PIWIL1: variants seen among roughly 807,000 people sequenced by gnomAD.
PIWIL1 encodes piwi like RNA-mediated gene silencing 1, also known as piwi-like protein 1.
A neutral mutation model predicts 114.4 loss-of-function variants in PIWIL1; 73 were observed. That is an observed-to-expected ratio of 0.64 (90% CI 0.53 to 0.78). The LOEUF is 0.78. Ranked by LOEUF, PIWIL1 falls within the 30% of genes least tolerant of loss-of-function variation. The pLI is 0.00. For missense variants in PIWIL1, 723 were observed against 1,063.1 expected (o/e 0.68, Z 4.45); for synonymous variants, 375 against 369.0 (o/e 1.02, Z -0.19).
At chr12:130,423,952 A>G in the PIWIL1 span, among the ~76,000 whole-genome samples, 1 of 152,152 alleles carries the variant, frequency 6.6e-6, no homozygotes, top group Admixed American at 6.5e-5. Flanking sequence ...AAGCACAGTA[A>G]AGAAATCTTC....
intron 19 of PIWIL1, among the ~76,000 whole-genome samples, 170 bp from the exon 20 acceptor site, chr12:130,371,006 T>C (rs1182772690): frequency 6.6e-6 from 1 of 152,200 alleles, no homozygotes; most frequent in Non-Finnish European, 1.5e-5. Flanking sequence ...TCCCAAATGG[T>C]TCATGAATAA....
At chr12:130,390,061 A>G in the PIWIL1 span, among the ~76,000 whole-genome samples, 1 of 152,234 alleles carries the variant, frequency 6.6e-6, no homozygotes, top group Non-Finnish European at 1.5e-5. Flanking sequence ...AAGTTTTTAA[A>G]AAATAGTAAC....
In PIWIL1 at chr12:130,342,180, G is replaced by GTGTGTC. The variant is rs1555226465; in HGVS notation, c.-12-395_-12-394insCTGTGT. 5.1e-4 allele frequency: 94 copies of GTGTGTC among 182,812 alleles called. 1 individual carries two copies. The highest frequency in any genetic ancestry group is 1.2e-3 in the African/African-American group (49 of 41,996). 11.3% of individuals were successfully genotyped at this position (182,812 alleles called of 1,614,324 possible). ...CGTGTGTGTGTGTGTGTGTGTGTGTGTGTGTGTGTGTCTGTGTATGGGAGT... is the reference window on the plus strand; with the variant it reads ...CGTGTGTGTGTGTGTGTGTGTGTGTGTGTGTCTGTGTGTGTGTCTGTGTATGGGAGT... On this transcript the variant is annotated intron_variant, in intron 1 of 20. Coordinates refer to ENST00000245255, the MANE Select transcript of PIWIL1 (RefSeq NM_004764.5).
intron 1 of PIWIL1, among the ~76,000 whole-genome samples, chr12:130,338,971 G>A (rs1483068208): frequency 1.3e-5 from 2 of 151,896 alleles, no homozygotes; most frequent in African/African-American, 4.8e-5. Context: ...ATTGGCGGCC[G>A]TGCGTGAGAC....
intron 14 of PIWIL1, among the ~76,000 whole-genome samples, chr12:130,358,590 C>A (rs1001070124): frequency 6.6e-6 from 1 of 152,118 alleles, no homozygotes; most frequent in Non-Finnish European, 1.5e-5. Flanking sequence ...TTGCTGCTGC[C>A]GCCACCAGTC....
At chr12:130,392,733 CGT>C in the PIWIL1 span, among the ~76,000 whole-genome samples, 38 of 13,170 alleles carry the variant, frequency 2.9e-3, no homozygotes, top group African/African-American at 3.9e-3. Flanking sequence ...ACCGTCATCA[CGT>C]GTGTCCGTCA....
In PIWIL1 at chr12:130,372,337, A is replaced by C. The variant is rs1243159562; in HGVS notation, c.*739A>C. On this transcript the variant is annotated 3_prime_UTR_variant, in exon 21 of 21. Transcript: ENST00000245255. ...ATGTGATTGTCACCTTATTTGAATA[A>C]CTGTAATTCTTGTTTTACTGAAAGT... 1 of 152,166 alleles carries C rather than the reference A, an allele frequency of 6.6e-6. No individual in the cohort carries two copies. The highest frequency in any genetic ancestry group is 1.5e-5 in the Non-Finnish European group (1 of 68,026). The allele number at this position is 152,166 out of a possible 1,614,324, so 9.4% of individuals were successfully genotyped here. A position where few individuals can be genotyped will look rare whatever the true frequency, so the allele number is the denominator to read the frequency against.
chr12:130,391,315 G>T, the PIWIL1 span, among the ~76,000 whole-genome samples: 1 of 152,206 alleles, frequency 6.6e-6, no homozygotes, highest in African/African-American at 2.4e-5. Context: ...TCTCGCTGGG[G>T]CCGTGCTCTC....
chr12:130,412,513 T>G, the PIWIL1 span: 2 of 1,063,824 alleles, frequency 1.9e-6, no homozygotes, highest in Non-Finnish European at 2.8e-6. Context: ...TTGGCATATT[T>G]AAATGATGCA....
chr12:130,378,932 G>C, the PIWIL1 span, among the ~76,000 whole-genome samples: 1 of 152,212 alleles, frequency 6.6e-6, no homozygotes, highest in Admixed American at 6.5e-5. Flanking sequence ...CATTCGAAGA[G>C]AAGATGTTTG....
In PIWIL1 at chr12:130,371,129, C is replaced by T. The variant is rs776745705; in HGVS notation, c.2322-47C>T. ...TTTTCACTGTAAGAAACTGGAATCA[C>T]CCTAATTTTAGTTTTCAGCACATCC... On this transcript the variant is annotated intron_variant, in intron 19 of 20. Transcript: ENST00000245255. 44 of 1,311,808 alleles carry T rather than the reference C, an allele frequency of 3.4e-5. No homozygotes were observed. In the South Asian group the frequency reaches 7.1e-4, roughly 21 times the overall value. 81.3% of individuals were successfully genotyped at this position (1,311,808 alleles called of 1,614,324 possible). A position where few individuals can be genotyped will look rare whatever the true frequency, so the allele number is the denominator to read the frequency against.
At chr12:130,385,805 G>A in the PIWIL1 span, among the ~76,000 whole-genome samples, 1 of 152,116 alleles carries the variant, frequency 6.6e-6, no homozygotes, top group Non-Finnish European at 1.5e-5. Context: ...CAGAAACTGG[G>A]TATTAAAGCT....
At chr12:130,345,530 A>G in intron 3 of PIWIL1, 2 of 442,874 alleles carry the variant, frequency 4.5e-6, no homozygotes, top group East Asian at 3.9e-5. Flanking sequence ...TGCATCTGCA[A>G]TTGCCCAGGA....
At chr12:130,397,097 C>T in the PIWIL1 span, 6 of 261,472 alleles carry the variant, frequency 2.3e-5, no homozygotes, top group Non-Finnish European at 4.3e-5. Flanking sequence ...TAGCTATGCG[C>T]CCCCGTTTGT....
chr12:130,363,909 C>A (rs2073585446), intron 18 of PIWIL1, among the ~76,000 whole-genome samples: 1 of 152,162 alleles, frequency 6.6e-6, no homozygotes, highest in Non-Finnish European at 1.5e-5. Context: ...TGAGCCACAA[C>A]TCCCAGCCTC....
chr12:130,381,862 G>A, the PIWIL1 span, among the ~76,000 whole-genome samples: 12 of 152,146 alleles, frequency 7.9e-5, no homozygotes, highest in Non-Finnish European at 1.3e-4. Flanking sequence ...GTGTAATGGT[G>A]TCATATTGTC....
chr12:130,376,724 C>G (rs986729260), downstream of PIWIL1, among the ~76,000 whole-genome samples: 3 of 152,218 alleles, frequency 2.0e-5, no homozygotes, highest in African/African-American at 4.8e-5. Context: ...ATCCTGTCAG[C>G]CTAGCCTTCC....
chr12:130,391,285 G>T, the PIWIL1 span, among the ~76,000 whole-genome samples: 8 of 152,180 alleles, frequency 5.3e-5, no homozygotes, highest in African/African-American at 1.9e-4. Flanking sequence ...GAACAACGCG[G>T]GTGAGACAGC....
At chr12:130,390,919 T>A in the PIWIL1 span, among the ~76,000 whole-genome samples, 1 of 152,164 alleles carries the variant, frequency 6.6e-6, no homozygotes, top group Non-Finnish European at 1.5e-5. Context: ...CTGCACAACT[T>A]ACCTGGTCCC....
Sources: allele counts gnomAD v4.1 joint callset (sites outside exome capture counted in the v4.1 genomes callset), GRCh38; gene constraint gnomAD v4.1.1; transcripts MANE v1.5; gene names NCBI Gene and HGNC (gene_info 2026-07-23, HGNC 2026-07-21).